NTM: variants seen among roughly 807,000 people sequenced by gnomAD.
The protein encoded by NTM is neurotrimin, also known as IgLON family member 2.
Under a neutral mutation model 42.1 loss-of-function variants are expected in NTM, and 13 were observed. The ratio of observed to expected loss-of-function variants is 0.31; its 90% confidence interval spans 0.20 to 0.49. The LOEUF (loss-of-function observed/expected upper bound fraction) is 0.49, where lower values mean the gene tolerates loss of function less well. Ranked by LOEUF, NTM falls within the 20% of genes least tolerant of loss-of-function variation. NTM has a pLI of 0.99. For missense variants in NTM, 373 were observed against 452.8 expected, an observed-to-expected ratio of 0.82 and a Z score of 1.60; for synonymous variants, 187 against 179.2, an observed-to-expected ratio of 1.04 and a Z score of -0.35.
chr11:131,936,548 A>G (rs1358453501), intron 2 of NTM, among the ~76,000 whole-genome samples: 1 of 152,206 alleles, frequency 6.6e-6, no homozygotes, highest in Non-Finnish European at 1.5e-5. Flanking sequence ...AATGTATACT[A>G]CTTGAGTGAT....
intron 1 of NTM, among the ~76,000 whole-genome samples, chr11:131,792,529 CAT>C (rs1266812884): frequency 6.6e-6 from 1 of 152,164 alleles, no homozygotes; most frequent in Non-Finnish European, 1.5e-5. Flanking sequence ...AATCAAACCT[CAT>C]GTGATCTCTA....
intron 7 of NTM, among the ~76,000 whole-genome samples, chr11:132,325,570 G>A (rs1231332957): frequency 6.6e-6 from 1 of 151,850 alleles, no homozygotes; most frequent in Non-Finnish European, 1.5e-5. Context: ...CTGTTGGTGG[G>A]ACTGTAAACT....
At chr11:132,029,062 G>GT (rs56085410) in intron 2 of NTM, among the ~76,000 whole-genome samples, 22 of 151,182 alleles carry the variant, frequency 1.5e-4, no homozygotes, top group Non-Finnish European at 2.5e-4. Context: ...GTTGGTGTGG[G>GT]TTTTTTTTTT....
intron 1 of NTM, chr11:131,769,620 T>A: frequency 1.0e-6 from 1 of 975,296 alleles, no homozygotes; most frequent in African/African-American, 1.7e-5. Context: ...CTCCACACAA[T>A]CCTGCCTGTG....
chr11:132,268,071 A>G (rs2093298636), intron 4 of NTM, among the ~76,000 whole-genome samples: 1 of 152,198 alleles, frequency 6.6e-6, no homozygotes, highest in Non-Finnish European at 1.5e-5. Context: ...CCCTGGGTTC[A>G]TACCTATAAT....
chr11:132,244,767 T>C (rs886562986), intron 4 of NTM, among the ~76,000 whole-genome samples: 6 of 152,218 alleles, frequency 3.9e-5, no homozygotes, highest in Admixed American at 3.3e-4. Flanking sequence ...CTGGGTGTTC[T>C]GCAGCCAGTG....
At chr11:131,556,620 T>C (rs530448426) in intron 1 of NTM, among the ~76,000 whole-genome samples, 1 of 143,576 alleles carries the variant, frequency 7.0e-6, no homozygotes, top group Admixed American at 7.6e-5. Context: ...CAGGCTAGAG[T>C]GCAGTGGTGT....
chr11:131,476,346 G>T (rs1952939578), intron 1 of NTM, among the ~76,000 whole-genome samples: 1 of 152,164 alleles, frequency 6.6e-6, no homozygotes, highest in Non-Finnish European at 1.5e-5. Flanking sequence ...AAACCAGGTA[G>T]CAGCAGGACC....
chr11:131,684,457 T>C (rs2073528123), intron 1 of NTM, among the ~76,000 whole-genome samples: 1 of 152,240 alleles, frequency 6.6e-6, no homozygotes, highest in African/African-American at 2.4e-5. Context: ...TCTGAGCTGC[T>C]GGCAGCATCC....
At chr11:132,147,785 G>T (rs554169322) in intron 3 of NTM, among the ~76,000 whole-genome samples, 1 of 152,156 alleles carries the variant, frequency 6.6e-6, no homozygotes, top group South Asian at 2.1e-4. Context: ...TCCCCTTGTC[G>T]GTGTGTTCAA....
intron 1 of NTM, among the ~76,000 whole-genome samples, chr11:131,559,504 G>C (rs1344723922): frequency 6.6e-6 from 1 of 152,112 alleles, no homozygotes; most frequent in Non-Finnish European, 1.5e-5. Flanking sequence ...AAATTTGTTA[G>C]ATAAAATTCC....
chr11:131,526,643 A>G (rs2050527405), intron 1 of NTM, among the ~76,000 whole-genome samples: 1 of 152,156 alleles, frequency 6.6e-6, no homozygotes, highest in Non-Finnish European at 1.5e-5. Flanking sequence ...GATGAGGCCA[A>G]TTGATTCCTA....
At chr11:132,079,494 A>G (rs1353613597) in intron 2 of NTM, among the ~76,000 whole-genome samples, 1 of 152,200 alleles carries the variant, frequency 6.6e-6, no homozygotes, top group Non-Finnish European at 1.5e-5. Context: ...TGTTGATGCT[A>G]TCCTTGTTCC....
At chr11:131,586,510 G>C (rs1324758844) in intron 1 of NTM, among the ~76,000 whole-genome samples, 1 of 152,118 alleles carries the variant, frequency 6.6e-6, no homozygotes, top group Admixed American at 6.5e-5. Flanking sequence ...ATGGTCATAT[G>C]AGTGAGCTTG....
chr11:131,454,210 G>A (rs1250230905), intron 1 of NTM, among the ~76,000 whole-genome samples: 1 of 152,016 alleles, frequency 6.6e-6, no homozygotes, highest in Non-Finnish European at 1.5e-5. Context: ...ATTTTATTAT[G>A]AGTTATTGTT....
At chr11:131,561,437 A>G (rs1425457243) in intron 1 of NTM, among the ~76,000 whole-genome samples, 1 of 152,194 alleles carries the variant, frequency 6.6e-6, no homozygotes, top group Admixed American at 6.5e-5. Flanking sequence ...TTCCAATAAC[A>G]TTTGGAAACA....
chr11:132,272,260 C>T (rs915973402), intron 4 of NTM, among the ~76,000 whole-genome samples: 2 of 152,056 alleles, frequency 1.3e-5, no homozygotes, highest in Non-Finnish European at 2.9e-5. Context: ...ATGCCAGTAT[C>T]ACAGTCTGGA....
chr11:132,013,701 A>G (rs1286849057), intron 2 of NTM, among the ~76,000 whole-genome samples: 1 of 152,200 alleles, frequency 6.6e-6, no homozygotes, highest in Admixed American at 6.5e-5. Context: ...TTTATGGACC[A>G]TAAAATTTAT....
At chr11:131,410,803 C>T (rs896561588) in intron 1 of NTM, among the ~76,000 whole-genome samples, 18 of 152,234 alleles carry the variant, frequency 1.2e-4, no homozygotes, top group East Asian at 1.9e-4. Context: ...ATTATTGGAA[C>T]GCTAAACATG....
Sources: allele counts gnomAD v4.1 joint callset (sites outside exome capture counted in the v4.1 genomes callset), GRCh38; gene constraint gnomAD v4.1.1; transcripts MANE v1.5; gene names NCBI Gene and HGNC (gene_info 2026-07-23, HGNC 2026-07-21).